The following UNC13B variants were observed in gnomAD, a reference collection of about 807,000 sequenced individuals.
The protein encoded by UNC13B is protein unc-13 homolog B.
Under a neutral mutation model 211.0 loss-of-function variants are expected in UNC13B, and 144 were observed. The ratio of observed to expected loss-of-function variants is 0.68; its 90% confidence interval spans 0.60 to 0.78. UNC13B has a LOEUF of 0.78. Ranked by LOEUF, UNC13B falls within the 30% of genes least tolerant of loss-of-function variation. The pLI, the probability that UNC13B is intolerant of heterozygous loss-of-function variation, is 0.00. For synonymous variants in UNC13B, 709 were observed against 725.8 expected, an observed-to-expected ratio of 0.98 and a Z score of 0.37; for missense variants, 1,777 against 2,002.0, an observed-to-expected ratio of 0.89 and a Z score of 2.14.
chr9:35,342,771 C>A (rs1433075857), intron 11 of UNC13B, among the ~76,000 whole-genome samples: 1 of 152,198 alleles, frequency 6.6e-6, no homozygotes, highest in Non-Finnish European at 1.5e-5. Context: ...ATTCGTCTCT[C>A]CCTACTTGCA....
chr9:35,321,109 G>A (rs1006204945), intron 11 of UNC13B, among the ~76,000 whole-genome samples: 1 of 151,774 alleles, frequency 6.6e-6, no homozygotes, highest in African/African-American at 2.4e-5. Context: ...TTCTCACTTT[G>A]TTTTTGTGAA....
chr9:35,228,785 A>G (rs900928828), intron 2 of UNC13B, among the ~76,000 whole-genome samples: 1 of 150,854 alleles, frequency 6.6e-6, no homozygotes, highest in East Asian at 1.9e-4. Context: ...AAGGTGCTGT[A>G]CAGAATTTTG....
intron 11 of UNC13B, among the ~76,000 whole-genome samples, chr9:35,339,059 C>T (rs1429603177): frequency 6.6e-6 from 1 of 152,192 alleles, no homozygotes; most frequent in Admixed American, 6.5e-5. Context: ...CTTCCCACAA[C>T]TCTGCGTGAG....
intron 1 of UNC13B, among the ~76,000 whole-genome samples, chr9:35,167,230 C>G (rs553364329): frequency 2.0e-5 from 3 of 151,894 alleles, no homozygotes; most frequent in African/African-American, 7.3e-5. Context: ...CCCATCACCA[C>G]GCCTGGCTAA....
intron 11 of UNC13B, among the ~76,000 whole-genome samples, chr9:35,320,113 C>T (rs191928536): frequency 1.3e-5 from 2 of 152,122 alleles, no homozygotes; most frequent in Non-Finnish European, 2.9e-5. Context: ...TGCATATGTA[C>T]CACATTTTCT....
chr9:35,205,713 A>G (rs1823604829), intron 1 of UNC13B, among the ~76,000 whole-genome samples: 1 of 152,208 alleles, frequency 6.6e-6, no homozygotes, highest in East Asian at 1.9e-4. Flanking sequence ...TCCAAGTTGT[A>G]GTGTGTATCA....
intron 16 of UNC13B, 115 bp from the exon 17 acceptor site, chr9:35,378,180 G>C: frequency 7.2e-7 from 1 of 1,381,432 alleles, no homozygotes; most frequent in South Asian, 1.4e-5. Context: ...TGGAGGAATG[G>C]GATTACGGTA....
rs973422439 is a variant in UNC13B, at chr9:35,234,509, T to C, written c.153-1960T>C. Among the ~76,000 whole-genome samples the C allele has an allele frequency of 2.0e-5, 3 of 152,244 alleles. No homozygotes were observed. In the East Asian group the frequency reaches 5.8e-4, roughly 29 times the overall value. On this transcript the variant is annotated intron_variant, in intron 3 of 39. Coordinates refer to ENST00000635942, the MANE Select transcript of UNC13B (RefSeq NM_001371189.2). ...ATCTTTTCCAAGACTAATTGGTTAA[T>C]TAGGCTGAATTAAATTATGTGACAA... is the stretch of plus-strand genomic sequence containing the variant.
In UNC13B at chr9:35,303,145, C is replaced by T; in HGVS notation, c.3741C>T (p.Ser1247=). The T allele has an allele frequency of 2.5e-6, 1 of 398,684 alleles. No homozygotes were observed. Among genetic ancestry groups the T allele is most frequent in the Middle Eastern group, 6.3e-4 (1 of 1,588 alleles). The allele number at this position is 398,684 out of a possible 1,614,324, so 24.7% of individuals were successfully genotyped here. A position where few individuals can be genotyped will look rare whatever the true frequency, so the allele number is the denominator to read the frequency against. The part of the protein sequence containing the change: ...KNHVEKHETS[S]FIEASLLPKE... Reference sequence around the variant, plus strand: ...ATGTTGAAAAACATGAAACTTCTAGCTTCATAGAAGCCTCCTTATTACCTA... The same window carrying T: ...ATGTTGAAAAACATGAAACTTCTAGTTTCATAGAAGCCTCCTTATTACCTA... The change falls in exon 9 of 40, where the codon AGC becomes AGT. Residue 1247 remains serine, a synonymous_variant. Coordinates refer to ENST00000635942, the MANE Select transcript of UNC13B (RefSeq NM_001371189.2).
At chr9:35,218,633 G>A (rs1824390938) in intron 1 of UNC13B, among the ~76,000 whole-genome samples, 1 of 152,034 alleles carries the variant, frequency 6.6e-6, no homozygotes, top group African/African-American at 2.4e-5. Flanking sequence ...CTGGCCTGAA[G>A]GAGTTCTCCC....
rs373298552 is a variant in UNC13B, at chr9:35,386,119, C to G, written c.10966-46C>G. 1.4e-5 allele frequency: 22 copies of G among 1,612,290 alleles called. No individual in the cohort carries two copies. The African/African-American group carries it at 2.8e-4, about 21-fold the overall frequency. ...GGTAGTGCTAGGAGAATATCCCACC[C>G]AGGTGAGCAGGTCCTTGGGCCCATA... On this transcript the variant is annotated intron_variant, in intron 23 of 39. Coordinates refer to ENST00000635942, the MANE Select transcript of UNC13B (RefSeq NM_001371189.2).
intron 11 of UNC13B, among the ~76,000 whole-genome samples, chr9:35,362,787 G>A (rs1429387241): frequency 1.0e-4 from 14 of 139,904 alleles, no homozygotes; most frequent in Non-Finnish European, 2.0e-4. Context: ...GCAATAGAGC[G>A]AGACTCCGTC....
At position 35,302,011 on chromosome 9, in the gene UNC13B, TG is replaced by T. The variant is rs1277745885; in HGVS notation, c.2609del (p.Gly870ValfsTer9). 8 of 398,670 alleles carry T rather than the reference TG, an allele frequency of 2.0e-5. No individual in the cohort carries two copies. Among genetic ancestry groups the T allele is most frequent in the African/African-American group, 2.1e-5 (1 of 48,622 alleles). 24.7% of individuals were successfully genotyped at this position (398,670 alleles called of 1,614,324 possible). On this transcript the variant is annotated frameshift_variant, in exon 9 of 40. Transcript: ENST00000635942. LOFTEE classifies it high-confidence loss of function. ...KLNLPFFRSLGHSEKQQELKE... is the reference protein window; with the variant it reads ...KLNLPFFRSLXHSEKQQELKE... ...TAAATCTTCCATTTTTTAGAAGTCT[TG>T]GTCATTCTGAAAAGCAACAGGAGTT...
chr9:35,388,895 C>G (rs934220109), intron 24 of UNC13B, among the ~76,000 whole-genome samples: 1 of 152,126 alleles, frequency 6.6e-6, no homozygotes, highest in Admixed American at 6.5e-5. Flanking sequence ...GATCAAAGAC[C>G]AGTTCAGAAA....
At chr9:35,283,907 C>A (rs1353483649) in intron 7 of UNC13B, among the ~76,000 whole-genome samples, 1 of 152,034 alleles carries the variant, frequency 6.6e-6, no homozygotes, top group Non-Finnish European at 1.5e-5. Flanking sequence ...TTTGCTGGGT[C>A]CTGGGAATGC....
rs1405792078 is a variant in UNC13B at position 35,381,138 on chromosome 9, C to T, written c.10414C>T (p.Arg3472Ter). ...TDKSAVSGAI[R>*]LQISVEIKGE... ...CAAATCAGCCGTCTCAGGGGCTATC[C>T]GACTACAAATCAGTGTGGAGATCAA... is the stretch of plus-strand genomic sequence containing the variant. Residue 3472 changes from arginine to a stop codon, truncating the protein, a stop_gained, in exon 19 of 40, where the codon CGA (arginine) becomes TGA (stop). Transcript: ENST00000635942. LOFTEE classifies it high-confidence loss of function. The T allele has an allele frequency of 6.8e-6, 11 of 1,614,060 alleles. No individual in the cohort carries two copies. The highest frequency in any genetic ancestry group is 1.7e-5 in the Admixed American group (1 of 60,014).
chr9:35,340,227 G>C (rs942855865), intron 11 of UNC13B, among the ~76,000 whole-genome samples: 5 of 152,252 alleles, frequency 3.3e-5, no homozygotes, highest in Admixed American at 3.3e-4. Flanking sequence ...CATCTAGCCA[G>C]CTCCCAACTA....
chr9:35,188,616 A>T (rs1822490482), intron 1 of UNC13B, among the ~76,000 whole-genome samples: 1 of 152,224 alleles, frequency 6.6e-6, no homozygotes, highest in Non-Finnish European at 1.5e-5. Context: ...GGCATCAGGA[A>T]AGACAATTTT....
chr9:35,350,653 G>A lies in UNC13B; in HGVS notation c.9415-16294G>A, dbSNP rs146693903. Among the ~76,000 whole-genome samples, 513 of 152,262 alleles carry A rather than the reference G, an allele frequency of 3.4e-3. 2 individuals carry two copies. Among genetic ancestry groups the A allele is most frequent in the African/African-American group, 0.011 (469 of 41,548 alleles). ...CTCTCTCATGCTAAATGCCACCTAC[G>A]TCTGGACAGTGTGTGCGTACTGTGC... On this transcript the variant is annotated intron_variant, in intron 11 of 39. Coordinates refer to ENST00000635942, the MANE Select transcript of UNC13B (RefSeq NM_001371189.2).
Sources: gnomAD v4.1 joint callset for allele counts (sites outside exome capture counted in the v4.1 genomes callset) on GRCh38, gnomAD v4.1.1 for gene constraint, MANE v1.5 for transcripts, NCBI Gene and HGNC (gene_info 2026-07-23, HGNC 2026-07-21) for gene names.